The following CACNA1C variants were observed in gnomAD, a reference collection of about 807,000 sequenced individuals.
CACNA1C encodes the protein voltage-dependent L-type calcium channel subunit alpha-1C.
In CACNA1C, 30 loss-of-function variants were observed where a neutral mutation model predicts 229.0. The observed-to-expected ratio is 0.13, with a 90% CI of 0.10 to 0.18. The LOEUF is 0.18. CACNA1C is among the 10% of genes least tolerant of loss of function. CACNA1C has a pLI of 1.00. For synonymous variants in CACNA1C, 1,114 were observed against 1,132.5 expected, an observed-to-expected ratio of 0.98 and a Z score of 0.33; for missense variants, 1,658 against 2,845.0, an observed-to-expected ratio of 0.58 and a Z score of 9.49.
chr12:2,421,819 G>A (rs1265550438), intron 3 of CACNA1C, among the ~76,000 whole-genome samples: 1 of 152,074 alleles, frequency 6.6e-6, no homozygotes, highest in Non-Finnish European at 1.5e-5. Context: ...TCTGTGGCAG[G>A]GGAATCGCTT....
intron 3 of CACNA1C, among the ~76,000 whole-genome samples, chr12:2,279,385 A>G (rs1159662262): frequency 2.0e-5 from 3 of 152,316 alleles, no homozygotes; most frequent in African/African-American, 4.8e-5. Context: ...GTGATTTTTC[A>G]TAGTTGTTTG....
At chr12:2,062,104 G>T (rs1158473532) in intron 1 of CACNA1C, among the ~76,000 whole-genome samples, 1 of 152,108 alleles carries the variant, frequency 6.6e-6, no homozygotes, top group Non-Finnish European at 1.5e-5. Flanking sequence ...TCTACCCCCA[G>T]CTCTGGTCCT....
chr12:2,300,360 C>T (rs1191374798), intron 3 of CACNA1C, among the ~76,000 whole-genome samples: 1 of 152,224 alleles, frequency 6.6e-6, no homozygotes, highest in Non-Finnish European at 1.5e-5. Flanking sequence ...CGGCTCATGC[C>T]TGTAATCCCA....
At chr12:2,211,100 C>T (rs2097906123) in intron 3 of CACNA1C, among the ~76,000 whole-genome samples, 1 of 152,192 alleles carries the variant, frequency 6.6e-6, no homozygotes, top group Non-Finnish European at 1.5e-5. Flanking sequence ...AAGGAAGGCC[C>T]TACTGAAAAC....
intron 5 of CACNA1C, among the ~76,000 whole-genome samples, chr12:2,470,339 A>C (rs1401375801): frequency 1.3e-5 from 2 of 152,196 alleles, no homozygotes; most frequent in East Asian, 3.8e-4. Flanking sequence ...GTGATGACTG[A>C]TTAAAAATAA....
chr12:2,653,939 T>C lies in CACNA1C; in HGVS notation c.4140+39T>C. 6.5e-7 allele frequency: 1 copy of C among 1,547,696 alleles called. No homozygotes were observed. Among genetic ancestry groups the C allele is most frequent in the Non-Finnish European group, 8.9e-7 (1 of 1,120,726 alleles). ...CACCACGGGGCTCCTGGCCTCCCGC[T>C]CTGTCTCTCCCCAGTTCCCAGCACC... On this transcript the variant is annotated intron_variant, in intron 33 of 46. Transcript: ENST00000399655. The surrounding 1 kb of genome is among the most constrained non-coding windows in gnomAD (Gnocchi z 4.7).
chr12:2,156,049 G>C (rs186120698), intron 3 of CACNA1C, among the ~76,000 whole-genome samples: 28 of 152,294 alleles, frequency 1.8e-4, no homozygotes, highest in Admixed American at 1.5e-3. Context: ...ACAGACCTAA[G>C]GTTGAGTGAA....
chr12:2,163,923 G>A (rs1169868398), intron 3 of CACNA1C, among the ~76,000 whole-genome samples: 1 of 152,178 alleles, frequency 6.6e-6, no homozygotes, highest in Non-Finnish European at 1.5e-5. Context: ...AAAAGTTCAC[G>A]TTCCCGTGTG....
At chr12:2,680,511 C>T in intron 42 of CACNA1C, 1 of 1,572,536 alleles carries the variant, frequency 6.4e-7, no homozygotes, top group Non-Finnish European at 8.6e-7. Context: ...CCACGCTTCA[C>T]TGTGCTGCTC....
intron 3 of CACNA1C, among the ~76,000 whole-genome samples, chr12:2,135,921 C>G: frequency 1.3e-5 from 2 of 149,136 alleles, no homozygotes; most frequent in African/African-American, 2.5e-5. Context: ...TGCCGCCTTG[C>G]AGTTTGATCT....
chr12:2,401,713 A>C (rs1482150492), intron 3 of CACNA1C, among the ~76,000 whole-genome samples: 1 of 152,258 alleles, frequency 6.6e-6, no homozygotes, highest in East Asian at 1.9e-4. Flanking sequence ...TACTTAGTTC[A>C]TAGGCTCATT....
At position 2,348,114 on chromosome 12, in the gene CACNA1C, G is replaced by C. The variant is rs1482054196; in HGVS notation, c.478-100862G>C. Among the ~76,000 whole-genome samples the C allele has an allele frequency of 6.6e-6, 1 of 152,222 alleles. No individual in the cohort carries two copies. The highest frequency in any genetic ancestry group is 1.5e-5 in the Non-Finnish European group (1 of 68,026). On this transcript the variant is annotated intron_variant, in intron 3 of 46. Transcript: ENST00000399655. This position sits in a 1 kb window ranked among gnomAD's most constrained non-coding sequence, Gnocchi z 4.7. ...TGCGGCAGGCCCACTCTCAACTCGA[G>C]GGGAGCCCCTCCTGCCTGCTGCAGG...
chr12:2,531,450 G>C (rs573407784), intron 9 of CACNA1C, among the ~76,000 whole-genome samples: 4 of 152,304 alleles, frequency 2.6e-5, no homozygotes, highest in Non-Finnish European at 2.9e-5. Flanking sequence ...ATAGGTAAAA[G>C]TAATACCCAA....
intron 3 of CACNA1C, among the ~76,000 whole-genome samples, chr12:2,178,194 T>C (rs1386130389): frequency 6.6e-6 from 1 of 152,210 alleles, no homozygotes; most frequent in Non-Finnish European, 1.5e-5. Context: ...AGTAGCAGAT[T>C]ATTTCAAATG....
At chr12:2,241,281 A>G (rs1424894475) in intron 3 of CACNA1C, among the ~76,000 whole-genome samples, 1 of 152,112 alleles carries the variant, frequency 6.6e-6, no homozygotes, top group Admixed American at 6.5e-5. Flanking sequence ...TCTCTGAGGC[A>G]AATCATATTG....
chr12:2,209,762 A>G (rs2097862044), intron 3 of CACNA1C, among the ~76,000 whole-genome samples: 1 of 152,188 alleles, frequency 6.6e-6, no homozygotes, highest in Non-Finnish European at 1.5e-5. Context: ...CTCCTTAAAG[A>G]TTATGTTCGT....
intron 13 of CACNA1C, among the ~76,000 whole-genome samples, chr12:2,580,833 T>C (rs2060222387): frequency 6.6e-6 from 1 of 152,168 alleles, no homozygotes; most frequent in African/African-American, 2.4e-5. Flanking sequence ...GTGTGACAGG[T>C]TTGCTATAAT....
Position 2,424,227 on chromosome 12 carries a change from A to T in CACNA1C, c.478-24749A>T, listed in dbSNP as rs553928786. ...TTTGCAGGAAAGACCTCAATTAGCC[A>T]AATTCCTACGTGACTCAGTGAAGGC... On this transcript the variant is annotated intron_variant, in intron 3 of 46. Coordinates refer to ENST00000399655, the MANE Select transcript of CACNA1C (RefSeq NM_000719.7). Among the ~76,000 whole-genome samples the T allele has an allele frequency of 8.5e-5, 13 of 152,344 alleles. No individual in the cohort carries two copies. The East Asian group carries it at 2.5e-3, about 29-fold the overall frequency.
chr12:2,004,196 C>A (rs146792885), intron 1 of CACNA1C: 8 of 1,564,338 alleles, frequency 5.1e-6, no homozygotes, highest in Non-Finnish European at 6.9e-6. Flanking sequence ...TCTCCTCCCC[C>A]TCACCGGGTC....
Sources: gnomAD v4.1 joint callset for allele counts (sites outside exome capture counted in the v4.1 genomes callset) on GRCh38, gnomAD v4.1.1 for gene constraint, Gnocchi (gnomAD v3.1) non-coding constraint, MANE v1.5 for transcripts, NCBI Gene and HGNC (gene_info 2026-07-23, HGNC 2026-07-21) for gene names.